Variants in RYR1 observed in about 807,000 individuals in gnomAD.
RYR1 encodes the protein ryanodine receptor 1.
Under a neutral mutation model 583.5 loss-of-function variants are expected in RYR1, and 342 were observed. The observed-to-expected ratio is 0.59, with a 90% confidence interval of 0.54 to 0.64. The LOEUF is 0.64. Among genes scored for constraint, RYR1 ranks in the 30% least tolerant of loss-of-function variants. The pLI is 0.00. For missense variants in RYR1, 6,032 were observed against 6,917.2 expected (o/e 0.87, Z 4.54); for synonymous variants, 2,791 against 2,822.5 (o/e 0.99, Z 0.35).
rs972713695 is a variant in RYR1, at chr19:38,537,825, CTG to C, written c.11609-51_11609-50del. 1.2e-5 allele frequency: 18 copies of C among 1,509,502 alleles called. No individual in the cohort carries two copies. The African/African-American group carries it at 2.5e-4, about 21-fold the overall frequency. 93.5% of individuals were successfully genotyped at this position (1,509,502 alleles called of 1,614,324 possible). A position where few individuals can be genotyped will look rare whatever the true frequency, so the allele number is the denominator to read the frequency against. ...TGCATGGGCCTTGTGCATGTGTGCGCTGTGTCTTGGCGCATCTGACCCCTCCT... is the reference window on the plus strand; with the variant it reads ...TGCATGGGCCTTGTGCATGTGTGCGCTGTCTTGGCGCATCTGACCCCTCCT... On this transcript the variant is annotated intron_variant, in intron 83 of 105. Transcript: ENST00000359596.
rs892600495 is a variant in RYR1, at chr19:38,505,937, A to G, written c.8532A>G (p.Gln2844=). The G allele has an allele frequency of 3.1e-6, 5 of 1,612,708 alleles. No homozygotes were observed. Among genetic ancestry groups the G allele is most frequent in the South Asian group, 1.1e-5 (1 of 91,036 alleles). ...TEKKKTRKIS[Q]SAQTYDPREG... ...AGAAAAAAACGCGGAAGATATCACA[A>G]AGTGCCCAGGTGAAGGCGGGGCCTG... Residue 2844 remains glutamine (Q), a synonymous_variant, in exon 54 of 106, where the codon CAA becomes CAG. Coordinates refer to ENST00000359596, the MANE Select transcript of RYR1 (RefSeq NM_000540.3).
chr19:38,519,378 C>G lies in RYR1; in HGVS notation c.10183C>G (p.Arg3395Gly), dbSNP rs761996554. 1.2e-6 allele frequency: 2 copies of G among 1,606,782 alleles called. No homozygotes were observed. Among genetic ancestry groups the G allele is most frequent in the South Asian group, 2.2e-5 (2 of 90,218 alleles). ...AEAQEGELLVRDEFSVLCRDL... is the reference protein window; with the variant it reads ...AEAQEGELLVGDEFSVLCRDL... ...GGCCCAGGAGGGCGAGCTGCTGGTG[C>G]GGGACGAGTTCTCTGTGCTCTGCCG... The change falls in exon 67 of 106, where the codon CGG (arginine) becomes GGG (glycine). Residue 3395 changes from arginine (R) to glycine (G), a missense_variant. Physicochemically the swap from Arg to Gly is moderately radical, Grantham distance 125. Transcript: ENST00000359596.
intron 76 of RYR1, among the ~76,000 whole-genome samples, chr19:38,531,453 G>A (rs1473035645): frequency 6.6e-6 from 1 of 151,910 alleles, no homozygotes; most frequent in East Asian, 1.9e-4. Flanking sequence ...CACTGACATG[G>A]TGTTAGTGTA....
At chr19:38,532,461 C>T (rs1568546416) in intron 76 of RYR1, 29 bp from the exon 77 acceptor site, 1 of 1,613,704 alleles carries the variant, frequency 6.2e-7, no homozygotes, top group Non-Finnish European at 8.5e-7. Flanking sequence ...TCCACCGGGT[C>T]CTGACCACTC....
At chr19:38,583,811 C>T (rs1366878576) in intron 101 of RYR1, among the ~76,000 whole-genome samples, 1 of 152,080 alleles carries the variant, frequency 6.6e-6, no homozygotes, top group Non-Finnish European at 1.5e-5. Flanking sequence ...GATACCTCAC[C>T]TTTCCACTTA....
At position 38,523,050 on chromosome 19, in the gene RYR1, A is replaced by G. The variant is rs763976533; in HGVS notation, c.10282A>G (p.Asn3428Asp). ...NNRAQWLTEP[N>D]PSAEELFRMV... ...CAGGGCGCAGTGGCTGACGGAGCCG[A>G]ATCCCAGCGCGGAGGAGCTGTTCAG... The change falls in exon 68 of 106, where the codon AAT (asparagine) becomes GAT (aspartate). Residue 3428 changes from asparagine (N) to aspartate (D), a missense_variant. Coordinates refer to ENST00000359596, the MANE Select transcript of RYR1 (RefSeq NM_000540.3). 19 of 1,607,088 alleles carry G rather than the reference A, an allele frequency of 1.2e-5. No homozygotes were observed. The highest frequency in any genetic ancestry group is 1.6e-5 in the Non-Finnish European group (19 of 1,177,836).
intron 66 of RYR1, among the ~76,000 whole-genome samples, chr19:38,518,714 A>T (rs1296227909): frequency 1.3e-5 from 2 of 152,128 alleles, no homozygotes; most frequent in East Asian, 1.9e-4. Flanking sequence ...GGATCTCCTG[A>T]GGTCAGGAGT....
chr19:38,575,414 C>A (rs1270340193), intron 96 of RYR1, among the ~76,000 whole-genome samples: 1 of 152,192 alleles, frequency 6.6e-6, no homozygotes, highest in Non-Finnish European at 1.5e-5. Flanking sequence ...AATCCCAGCA[C>A]TTTGGGAGGC....
At chr19:38,510,307 A>C (rs528820043) in intron 58 of RYR1, among the ~76,000 whole-genome samples, 191 bp from the exon 59 acceptor site, 1 of 151,580 alleles carries the variant, frequency 6.6e-6, no homozygotes, top group African/African-American at 2.4e-5. Flanking sequence ...GGTGACAAGA[A>C]AAAAAAAAGG....
At position 38,489,383 on chromosome 19, in the gene RYR1, A is replaced by G. The variant is rs1460641237; in HGVS notation, c.5754A>G (p.Lys1918=). Residue 1918 remains lysine (K), a synonymous_variant, in exon 35 of 106, where the codon AAA becomes AAG. Coordinates refer to ENST00000359596, the MANE Select transcript of RYR1 (RefSeq NM_000540.3). ...AAGAGGAGGCAGCAGAAGGGGAGAA[A>G]GAAGAAGGCTTGGAGGAAGGGCTGC... The part of the protein sequence containing the change: ...KEEEEAAEGE[K]EEGLEEGLLQ... 3.7e-6 allele frequency: 6 copies of G among 1,613,918 alleles called. No individual in the cohort carries two copies. The highest frequency in any genetic ancestry group is 4.2e-6 in the Non-Finnish European group (5 of 1,179,950).
chr19:38,476,571 G>A, intron 29 of RYR1, among the ~76,000 whole-genome samples: 1 of 152,168 alleles, frequency 6.6e-6, no homozygotes, highest in East Asian at 1.9e-4. Flanking sequence ...GACCTCAAAT[G>A]ATCCTACTGC....
intron 20 of RYR1, among the ~76,000 whole-genome samples, chr19:38,461,728 A>G (rs1372331905): frequency 1.4e-5 from 2 of 144,648 alleles, no homozygotes; most frequent in African/African-American, 5.1e-5. Context: ...CCTGAAAAAA[A>G]AAAAAAAAAA....
At chr19:38,451,709 G>T in intron 11 of RYR1, 55 bp from the exon 12 acceptor site, 1 of 1,611,150 alleles carries the variant, frequency 6.2e-7, no homozygotes, top group South Asian at 1.1e-5. Context: ...GACGTCTTGG[G>T]GGCATGGCCC....
intron 29 of RYR1, 49 bp from the exon 30 acceptor site, chr19:38,477,661 A>G: frequency 1.2e-6 from 2 of 1,613,548 alleles, no homozygotes; most frequent in Non-Finnish European, 1.7e-6. Context: ...AGGGAGCCCG[A>G]GTCCCTGACT....
chr19:38,461,330 G>A (rs1967730644), intron 20 of RYR1, among the ~76,000 whole-genome samples: 1 of 151,996 alleles, frequency 6.6e-6, no homozygotes, highest in South Asian at 2.1e-4. Context: ...GAGAGAGGTG[G>A]GGAGCTGCCC....
chr19:38,516,047 AG>A, intron 64 of RYR1, 39 bp from the exon 65 acceptor site: 2 of 1,538,870 alleles, frequency 1.3e-6, no homozygotes, highest in South Asian at 1.2e-5. Context: ...GACCCCAAAG[AG>A]GGGGACACGT....
chr19:38,437,245 T>A (rs191634430), intron 1 of RYR1, among the ~76,000 whole-genome samples: 1 of 152,026 alleles, frequency 6.6e-6, no homozygotes, highest in East Asian at 1.9e-4. Context: ...GAGATGGGGT[T>A]TCACCATGTT....
Position 38,575,978 on chromosome 19 carries a change from G to A in RYR1, c.14172+17G>A, listed in dbSNP as rs746625036. On this transcript the variant is annotated intron_variant, in intron 97 of 105. Transcript: ENST00000359596. ...AAGCGCAAGGTGAGAGGACATGGATGCCCTGGGTCCTGGATTGGGTCCCTG... is the reference window on the plus strand; with the variant it reads ...AAGCGCAAGGTGAGAGGACATGGATACCCTGGGTCCTGGATTGGGTCCCTG... The A allele has an allele frequency of 6.2e-7, 1 of 1,614,072 alleles. No homozygotes were observed. Among genetic ancestry groups the A allele is most frequent in the Non-Finnish European group, 8.5e-7 (1 of 1,179,920 alleles).
At chr19:38,493,848 G>A (rs1969674068) in intron 38 of RYR1, among the ~76,000 whole-genome samples, 1 of 152,074 alleles carries the variant, frequency 6.6e-6, no homozygotes, top group South Asian at 2.1e-4. Context: ...TAGAACAAGT[G>A]GGATTGTGAC....
Sources: allele counts gnomAD v4.1 joint callset (sites outside exome capture counted in the v4.1 genomes callset), GRCh38; gene constraint gnomAD v4.1.1; transcripts MANE v1.5; gene names NCBI Gene and HGNC (gene_info 2026-07-23, HGNC 2026-07-21).